The following SRGAP1 variants were observed in gnomAD, a reference collection of about 807,000 sequenced individuals.
SRGAP1 encodes SLIT-ROBO Rho GTPase activating protein 1, also known as SLIT-ROBO Rho GTPase-activating protein 1.
A neutral mutation model predicts 121.9 loss-of-function variants in SRGAP1; 43 were observed. The observed-to-expected ratio is 0.35, with a 90% CI of 0.28 to 0.46. SRGAP1 has a LOEUF of 0.46. SRGAP1 is among the 20% of genes least tolerant of loss of function. The probability of loss-of-function intolerance (pLI) is 1.00; values close to 1 mark genes in which losing one functional copy is unlikely to be tolerated. For synonymous variants in SRGAP1, 447 were observed against 485.4 expected (o/e 0.92, Z 1.04); for missense variants, 1,102 against 1,350.9 (o/e 0.82, Z 2.89).
intron 1 of SRGAP1, among the ~76,000 whole-genome samples, chr12:63,910,008 A>G (rs1026992479): frequency 6.6e-6 from 1 of 152,236 alleles, no homozygotes; most frequent in Non-Finnish European, 1.5e-5. Flanking sequence ...CTTCATAGCA[A>G]CATCTAAATT....
chr12:64,116,048 A>G, intron 18 of SRGAP1, 155 bp downstream of exon 18: 1 of 619,660 alleles, frequency 1.6e-6, no homozygotes. Flanking sequence ...TGAGCCCAGG[A>G]GTTCAACACC....
intron 21 of SRGAP1, among the ~76,000 whole-genome samples, 170 bp downstream of exon 21, chr12:64,128,370 CT>C (rs1358741472): frequency 2.6e-5 from 4 of 152,110 alleles, no homozygotes; most frequent in African/African-American, 9.7e-5. Flanking sequence ...GGCCCTGAGT[CT>C]TTTTTGAACA....
chr12:63,878,379 A>G (rs1900092373), intron 1 of SRGAP1, among the ~76,000 whole-genome samples: 1 of 152,222 alleles, frequency 6.6e-6, no homozygotes, highest in South Asian at 2.1e-4. Flanking sequence ...TTCTCTTTGT[A>G]AAAATAGATC....
chr12:64,115,871 A>G lies in SRGAP1; in HGVS notation c.2202A>G (p.Thr734=). The change falls in exon 18 of 22, where the codon ACA becomes ACG. Residue 734 remains threonine (T), a synonymous_variant. Transcript: ENST00000355086. ...AGGAAGTGGACCAAGATGCTGGTAC[A>G]GAGCCCCACACAAGTGAAGATGGTA... ...TLEEVDQDAG[T]EPHTSEDECE... The G allele has an allele frequency of 6.2e-7, 1 of 1,613,312 alleles. No homozygotes were observed. The highest frequency in any genetic ancestry group is 8.5e-7 in the Non-Finnish European group (1 of 1,179,588).
intron 1 of SRGAP1, among the ~76,000 whole-genome samples, chr12:63,932,343 A>G (rs949254147): frequency 6.6e-6 from 1 of 152,232 alleles, no homozygotes; most frequent in Non-Finnish European, 1.5e-5. Flanking sequence ...AATCAAACAC[A>G]TGAGCTAATC....
At chr12:64,001,724 C>T (rs1274872337) in intron 3 of SRGAP1, among the ~76,000 whole-genome samples, 1 of 152,176 alleles carries the variant, frequency 6.6e-6, no homozygotes. Context: ...AACAGAAGAA[C>T]CTCCCAGCTG....
intron 5 of SRGAP1, 64 bp downstream of exon 5, chr12:64,043,036 T>C (rs2035055832): frequency 9.3e-7 from 1 of 1,078,866 alleles, no homozygotes; most frequent in Non-Finnish European, 1.4e-6. Flanking sequence ...AGAACACTGA[T>C]GCAATAGCTG....
rs1478395589 is a variant in SRGAP1 at position 64,144,979 on chromosome 12, C to A, written c.*2307C>A. ...CCTGAGTAGCTGGGATTACAGGCGC[C>A]ACCACCACGCCCAGCTAATTTTTGT... is the stretch of plus-strand genomic sequence containing the variant. On this transcript the variant is annotated 3_prime_UTR_variant, in exon 22 of 22. Transcript: ENST00000355086. 4.0e-5 allele frequency: 6 copies of A among 151,336 alleles called. No homozygotes were observed. The highest frequency in any genetic ancestry group is 1.5e-4 in the African/African-American group (6 of 41,088). The allele number at this position is 151,336 out of a possible 1,614,324, so 9.4% of individuals were successfully genotyped here.
chr12:64,137,163 C>T (rs769536537), intron 21 of SRGAP1, among the ~76,000 whole-genome samples: 7 of 151,848 alleles, frequency 4.6e-5, no homozygotes, highest in Admixed American at 6.6e-5. Context: ...ACTCGGGTGG[C>T]TGAGGCATGA....
At chr12:64,113,998 G>A (rs553291148) in intron 17 of SRGAP1, among the ~76,000 whole-genome samples, 8 of 150,282 alleles carry the variant, frequency 5.3e-5, no homozygotes, top group African/African-American at 2.0e-4. Flanking sequence ...GGAATGAGTA[G>A]CTGAAAGATA....
chr12:63,862,172 A>T (rs1336540546), intron 1 of SRGAP1, among the ~76,000 whole-genome samples: 3 of 152,212 alleles, frequency 2.0e-5, no homozygotes, highest in Non-Finnish European at 4.4e-5. Context: ...ATTATTATGA[A>T]AATTAAAACA....
At chr12:63,919,845 T>A (rs2030971470) in intron 1 of SRGAP1, among the ~76,000 whole-genome samples, 1 of 152,242 alleles carries the variant, frequency 6.6e-6, no homozygotes, top group South Asian at 2.1e-4. Flanking sequence ...TTCATTCATT[T>A]TAAAAGCTGA....
At chr12:64,061,427 A>T (rs1435090405) in intron 6 of SRGAP1, among the ~76,000 whole-genome samples, 1 of 152,228 alleles carries the variant, frequency 6.6e-6, no homozygotes, top group African/African-American at 2.4e-5. Context: ...ACCTACACAG[A>T]TTTCAATAAA....
At chr12:63,845,337 A>G (rs1029566692) in intron 1 of SRGAP1, among the ~76,000 whole-genome samples, 9 of 152,148 alleles carry the variant, frequency 5.9e-5, no homozygotes, top group Non-Finnish European at 1.2e-4. Context: ...AGTGCAGGCT[A>G]TTTCAGATAT....
At chr12:64,038,422 G>A (rs1160901011) in intron 4 of SRGAP1, 3 of 152,074 alleles carry the variant, frequency 2.0e-5, no homozygotes, top group African/African-American at 7.2e-5. Flanking sequence ...CCGACACCTA[G>A]TAATTGTAGA....
intron 3 of SRGAP1, among the ~76,000 whole-genome samples, chr12:64,000,680 G>A (rs770898311): frequency 9.9e-5 from 15 of 152,180 alleles, no homozygotes; most frequent in Non-Finnish European, 2.2e-4. Flanking sequence ...TGTTAGGAGA[G>A]AACAGGTGTA....
chr12:64,071,352 G>A (rs972946902), intron 8 of SRGAP1, among the ~76,000 whole-genome samples: 2 of 152,184 alleles, frequency 1.3e-5, no homozygotes, highest in Non-Finnish European at 2.9e-5. Context: ...TTTCTCTGAT[G>A]CACTGAGCAT....
At chr12:64,036,794 G>T (rs1473341973) in intron 4 of SRGAP1, among the ~76,000 whole-genome samples, 4 of 152,170 alleles carry the variant, frequency 2.6e-5, no homozygotes, top group African/African-American at 9.7e-5. Context: ...GTGAATAAAT[G>T]GATGGACAAG....
chr12:64,070,138 C>A (rs961132511), intron 8 of SRGAP1, among the ~76,000 whole-genome samples: 9 of 152,202 alleles, frequency 5.9e-5, no homozygotes, highest in African/African-American at 1.9e-4. Flanking sequence ...ACATTTATTG[C>A]ACTGTCTTGT....
Sources: allele counts gnomAD v4.1 joint callset (sites outside exome capture counted in the v4.1 genomes callset), GRCh38; gene constraint gnomAD v4.1.1; transcripts MANE v1.5; gene names NCBI Gene and HGNC (gene_info 2026-07-23, HGNC 2026-07-21).